The following ALG13 variants were observed in gnomAD, a reference collection of about 807,000 sequenced individuals.
ALG13 encodes UDP-N-acetylglucosamine transferase subunit ALG13.
A neutral mutation model predicts 87.8 loss-of-function variants in ALG13; 11 were observed. The ratio of observed to expected loss-of-function variants is 0.13; its 90% CI spans 0.08 to 0.21. The LOEUF is 0.21. ALG13 is among the 10% of genes least tolerant of loss of function. The pLI is 1.00. For synonymous variants in ALG13, 320 were observed against 306.3 expected, an observed-to-expected ratio of 1.04 and a Z score of -0.47; for missense variants, 756 against 866.1, an observed-to-expected ratio of 0.87 and a Z score of 1.60.
chrX:111,715,768 T>G (rs1262553660), intron 8 of ALG13, among the ~76,000 whole-genome samples: 1 of 112,471 alleles, frequency 8.9e-6, no homozygotes, highest in Non-Finnish European at 1.9e-5. Context: ...ACATTATTAA[T>G]GAGCCTTCTA....
chrX:111,753,056 G>A, intron 25 of ALG13: 1 of 304,896 alleles, frequency 3.3e-6, no homozygotes, highest in Non-Finnish European at 5.7e-6. Context: ...AGGGGTACTG[G>A]GCTGTAAGCA....
chrX:111,707,456 A>G (rs1416380683), intron 3 of ALG13, among the ~76,000 whole-genome samples: 1 of 112,212 alleles, frequency 8.9e-6, no homozygotes, highest in African/African-American at 3.2e-5. Flanking sequence ...TATTATCTAG[A>G]ATTAAATGAG....
intron 15 of ALG13, among the ~76,000 whole-genome samples, chrX:111,725,683 A>T (rs1453840476): frequency 8.9e-6 from 1 of 111,881 alleles, no homozygotes; most frequent in Non-Finnish European, 1.9e-5. Flanking sequence ...TGATCATTAT[A>T]CATTGTATGC....
In ALG13 at chrX:111,688,374, T is replaced by TA. The variant is rs796079996; in HGVS notation, c.383+3278dup. 1.5e-5 allele frequency: 11 copies of TA among 721,577 alleles called. No individual in the cohort carries two copies. In the South Asian group the frequency reaches 7.1e-4, roughly 47 times the overall value. 59.5% of individuals were successfully genotyped at this position (721,577 alleles called of 1,213,427 possible). ...AAATGAAACAGTAACAACTTTTATGTAAAAAAATTTTACATAAGAGTTAGC... is the reference window on the plus strand; with the variant it reads ...AAATGAAACAGTAACAACTTTTATGTAAAAAAAATTTTACATAAGAGTTAGC... On this transcript the variant is annotated intron_variant, in intron 3 of 26. Coordinates refer to ENST00000394780, the MANE Select transcript of ALG13 (RefSeq NM_001099922.3).
At chrX:111,727,260 T>A in intron 16 of ALG13, 72 bp from the exon 17 acceptor site, 1 of 943,377 alleles carries the variant, frequency 1.1e-6, no homozygotes, top group South Asian at 2.2e-5. Context: ...ATTAGTTCTA[T>A]TTAACTACAG....
intron 15 of ALG13, among the ~76,000 whole-genome samples, chrX:111,725,609 G>T (rs1941907301): frequency 9.0e-6 from 1 of 111,473 alleles, no homozygotes; most frequent in South Asian, 3.8e-4. Flanking sequence ...ACTGGATTTG[G>T]AATGTTCCCA....
intron 25 of ALG13, among the ~76,000 whole-genome samples, chrX:111,754,554 TA>T (rs1569523597): frequency 8.9e-6 from 1 of 112,353 alleles, no homozygotes; most frequent in Non-Finnish European, 1.9e-5. Flanking sequence ...AAAAGCTCCT[TA>T]AGCTGATAAG....
intron 21 of ALG13, among the ~76,000 whole-genome samples, chrX:111,731,347 C>T (rs960300662): frequency 2.7e-5 from 3 of 111,663 alleles, no homozygotes; most frequent in African/African-American, 9.8e-5. Flanking sequence ...AGTGCTGAAG[C>T]AGGGACTGAA....
At chrX:111,683,705 T>C (rs951801891) in intron 2 of ALG13, among the ~76,000 whole-genome samples, 2 of 111,460 alleles carry the variant, frequency 1.8e-5, no homozygotes, top group Non-Finnish European at 3.8e-5. Context: ...TACTCACTTA[T>C]CAATCTCCTT....
chrX:111,722,590 A>C (rs1941510121), intron 12 of ALG13, among the ~76,000 whole-genome samples: 1 of 112,576 alleles, frequency 8.9e-6, no homozygotes, highest in Non-Finnish European at 1.9e-5. Context: ...TTAAAGCACA[A>C]AATTATTCTG....
At chrX:111,722,715 A>G in intron 12 of ALG13, 78 bp from the exon 13 acceptor site, 1 of 726,783 alleles carries the variant, frequency 1.4e-6, no homozygotes, top group Non-Finnish European at 2.1e-6. Flanking sequence ...GCACTACGGT[A>G]AAAGTAAATG....
At chrX:111,730,063 T>A (rs1942505164) in intron 19 of ALG13, among the ~76,000 whole-genome samples, 1 of 112,079 alleles carries the variant, frequency 8.9e-6, no homozygotes, top group Non-Finnish European at 1.9e-5. Context: ...AGAATTCAAA[T>A]CTAGGCAGTC....
intron 23 of ALG13, among the ~76,000 whole-genome samples, chrX:111,744,300 G>A (rs1281721281): frequency 8.9e-6 from 1 of 111,763 alleles, no homozygotes; most frequent in African/African-American, 3.3e-5. Flanking sequence ...GAGAGTGACA[G>A]ATTGCTGAAA....
At chrX:111,701,859 TG>T (rs1569514392) in intron 3 of ALG13, among the ~76,000 whole-genome samples, 1 of 111,872 alleles carries the variant, frequency 8.9e-6, no homozygotes, top group African/African-American at 3.2e-5. Flanking sequence ...TTTTGTATGT[TG>T]TGTTTCCATT....
At chrX:111,693,549 A>G (rs1289380912) in intron 3 of ALG13, among the ~76,000 whole-genome samples, 1 of 111,767 alleles carries the variant, frequency 8.9e-6, no homozygotes, top group East Asian at 2.8e-4. Context: ...CCCGGCCAGA[A>G]TACATGCTTC....
rs981856776 is a variant in ALG13 at position 111,760,340 on chromosome X, C to T, written c.*341C>T. 5.9e-6 allele frequency: 1 copy of T among 169,360 alleles called. No homozygotes were observed. Among genetic ancestry groups the T allele is most frequent in the Non-Finnish European group, 1.1e-5 (1 of 90,223 alleles). 14.0% of individuals were successfully genotyped at this position (169,360 alleles called of 1,213,427 possible). A position where few individuals can be genotyped will look rare whatever the true frequency, so the allele number is the denominator to read the frequency against. On this transcript the variant is annotated 3_prime_UTR_variant, in exon 27 of 27. Transcript: ENST00000394780. ...AAGTATTTCATTGGTTCAAAAATCA[C>T]ACATCATATTAAACCATGCAGAATT... is the stretch of plus-strand genomic sequence containing the variant.
Position 111,687,180 on chromosome X carries a change from G to A in ALG13, c.383+2077G>A, listed in dbSNP as rs1321433853. ...GGCTGATCTCAAACTCCTGACCTTA[G>A]GTGATCCGCCTGCCTTGGCCTCCCA... On this transcript the variant is annotated intron_variant, in intron 3 of 26. Coordinates refer to ENST00000394780, the MANE Select transcript of ALG13 (RefSeq NM_001099922.3). 3.6e-5 allele frequency among the ~76,000 whole-genome samples: 4 copies of A among 111,946 alleles called. No homozygotes were observed. The Admixed American group carries it at 3.8e-4, about 11-fold the overall frequency.
At chrX:111,708,793 C>T (rs927584602) in intron 4 of ALG13, among the ~76,000 whole-genome samples, 172 bp from the exon 5 acceptor site, 1 of 111,634 alleles carries the variant, frequency 9.0e-6, no homozygotes, top group Non-Finnish European at 1.9e-5. Flanking sequence ...CATCCTTCCC[C>T]CATTTCGTTG....
At chrX:111,704,408 A>G (rs752898625) in intron 3 of ALG13, among the ~76,000 whole-genome samples, 4 of 112,139 alleles carry the variant, frequency 3.6e-5, no homozygotes, top group Admixed American at 9.5e-5. Context: ...GTGAATATTT[A>G]TGGAAATATT....
Sources: allele counts gnomAD v4.1 joint callset (sites outside exome capture counted in the v4.1 genomes callset), GRCh38; gene constraint gnomAD v4.1.1; transcripts MANE v1.5; gene names NCBI Gene and HGNC (gene_info 2026-07-23, HGNC 2026-07-21).